The following SMAP1 variants were observed in gnomAD, a reference collection of about 807,000 sequenced individuals.
The protein encoded by SMAP1 is small ArfGAP 1.
A neutral mutation model predicts 58.5 loss-of-function variants in SMAP1; 24 were observed. That is an observed-to-expected ratio of 0.41 (90% CI 0.30 to 0.58). The LOEUF (loss-of-function observed/expected upper bound fraction) is 0.58, where lower values mean the gene tolerates loss of function less well. Ranked by LOEUF, SMAP1 falls within the 20% of genes least tolerant of loss-of-function variation. SMAP1 has a pLI of 0.29. For missense variants in SMAP1, 563 were observed against 566.3 expected, an observed-to-expected ratio of 0.99 and a Z score of 0.06; for synonymous variants, 216 against 196.6, an observed-to-expected ratio of 1.10 and a Z score of -0.82.
intron 3 of SMAP1, 97 bp downstream of exon 3, chr6:70,755,162 T>C: frequency 2.1e-6 from 2 of 941,520 alleles, no homozygotes; most frequent in East Asian, 2.5e-5. Context: ...ATGTGAACTT[T>C]ATCACGCTAC....
intron 3 of SMAP1, among the ~76,000 whole-genome samples, chr6:70,769,797 G>A (rs1382973995): frequency 6.6e-6 from 1 of 152,180 alleles, no homozygotes; most frequent in Non-Finnish European, 1.5e-5. Flanking sequence ...CTGTCATTAT[G>A]ATGTTAGCTG....
At chr6:70,703,322 C>T (rs1326153057) in intron 1 of SMAP1, among the ~76,000 whole-genome samples, 1 of 152,164 alleles carries the variant, frequency 6.6e-6, no homozygotes, top group East Asian at 1.9e-4. Context: ...GATCCGCCCA[C>T]CTCGGCCTCC....
chr6:70,776,783 G>A (rs1767565221), intron 4 of SMAP1, among the ~76,000 whole-genome samples: 1 of 152,058 alleles, frequency 6.6e-6, no homozygotes, highest in Non-Finnish European at 1.5e-5. Context: ...TAGCATAATG[G>A]CCCCCAGGAT....
chr6:70,801,523 A>G (rs946841812), intron 6 of SMAP1, among the ~76,000 whole-genome samples: 14 of 151,978 alleles, frequency 9.2e-5, no homozygotes, highest in Non-Finnish European at 1.9e-4. Flanking sequence ...GTTTAATTAG[A>G]TTCCGTTTGT....
chr6:70,848,883 TG>T (rs764348018), intron 7 of SMAP1, among the ~76,000 whole-genome samples: 16 of 152,234 alleles, frequency 1.1e-4, no homozygotes, highest in Admixed American at 4.6e-4. Context: ...TGGGAACTTG[TG>T]TTTACCAATT....
At chr6:70,813,446 G>A (rs749862099) in intron 6 of SMAP1, among the ~76,000 whole-genome samples, 49 of 152,056 alleles carry the variant, frequency 3.2e-4, no homozygotes, top group Admixed American at 7.9e-4. Flanking sequence ...ATATAATTCT[G>A]TTAGATGCTT....
chr6:70,714,729 G>T (rs1223765272), intron 1 of SMAP1, among the ~76,000 whole-genome samples: 1 of 151,952 alleles, frequency 6.6e-6, no homozygotes, highest in African/African-American at 2.4e-5. Context: ...ACATTATGTT[G>T]TTGTTTTGCA....
chr6:70,832,458 T>G (rs1448427297), intron 6 of SMAP1, among the ~76,000 whole-genome samples: 2 of 152,196 alleles, frequency 1.3e-5, no homozygotes, highest in Non-Finnish European at 2.9e-5. Flanking sequence ...GTGTGTATCT[T>G]TATTAGGGGA....
chr6:70,731,788 A>T (rs923876978), intron 1 of SMAP1, among the ~76,000 whole-genome samples: 9 of 151,812 alleles, frequency 5.9e-5, no homozygotes, highest in East Asian at 5.8e-4. Context: ...GTAGTTAAAA[A>T]TTTTTTTTTC....
At chr6:70,718,835 A>AG (rs1768390162) in intron 1 of SMAP1, among the ~76,000 whole-genome samples, 4 of 151,594 alleles carry the variant, frequency 2.6e-5, no homozygotes, top group Admixed American at 2.0e-4. Context: ...AAAAAAAAAA[A>AG]AAAAAAAGTG....
At chr6:70,806,240 G>A (rs1160863533) in intron 6 of SMAP1, among the ~76,000 whole-genome samples, 1 of 152,218 alleles carries the variant, frequency 6.6e-6, no homozygotes, top group Non-Finnish European at 1.5e-5. Context: ...CTGCCCAGCT[G>A]CGGCTTCACA....
chr6:70,708,852 T>G (rs568969219), intron 1 of SMAP1, among the ~76,000 whole-genome samples: 1 of 152,178 alleles, frequency 6.6e-6, no homozygotes. Flanking sequence ...TTAAAAAAAA[T>G]TTAGATATTA....
chr6:70,680,546 T>A lies in SMAP1; in HGVS notation c.118+12405T>A, dbSNP rs146806605. Among the ~76,000 whole-genome samples the A allele has an allele frequency of 3.8e-3, 578 of 152,236 alleles. 2 individuals carry two copies. The highest frequency in any genetic ancestry group is 0.015 in the South Asian group (73 of 4,822). On this transcript the variant is annotated intron_variant, in intron 1 of 10. Coordinates refer to ENST00000370455, the MANE Select transcript of SMAP1 (RefSeq NM_001044305.3). ...AAACACTGGAAACAATTCAAATGTT[T>A]TATCAGTTGACGAATGGATAAAGAA... is the stretch of plus-strand genomic sequence containing the variant.
At chr6:70,737,830 A>G (rs975999690) in intron 2 of SMAP1, among the ~76,000 whole-genome samples, 3 of 152,230 alleles carry the variant, frequency 2.0e-5, no homozygotes, top group African/African-American at 7.2e-5. Flanking sequence ...TTTAGCCTGT[A>G]TTTTTATATA....
At chr6:70,727,562 A>C (rs1390322719) in intron 1 of SMAP1, among the ~76,000 whole-genome samples, 1 of 152,256 alleles carries the variant, frequency 6.6e-6, no homozygotes, top group Non-Finnish European at 1.5e-5. Flanking sequence ...CCTTGAAGGC[A>C]GGATTTGTGT....
intron 5 of SMAP1, among the ~76,000 whole-genome samples, chr6:70,797,766 A>T (rs1768668454): frequency 6.6e-6 from 1 of 152,076 alleles, no homozygotes; most frequent in Non-Finnish European, 1.5e-5. Flanking sequence ...CATGTTTATC[A>T]TGTTGCCTTC....
intron 2 of SMAP1, among the ~76,000 whole-genome samples, chr6:70,752,093 C>G (rs1766302523): frequency 6.6e-6 from 1 of 152,140 alleles, no homozygotes; most frequent in Non-Finnish European, 1.5e-5. Flanking sequence ...GTAAAATTTT[C>G]TAGATACTTA....
intron 4 of SMAP1, among the ~76,000 whole-genome samples, chr6:70,778,443 TTTTCTG>T (rs1305800164): frequency 6.6e-6 from 1 of 152,246 alleles, no homozygotes; most frequent in Non-Finnish European, 1.5e-5. Flanking sequence ...ATGAAATTCT[TTTTCTG>T]TATCTGTTGA....
chr6:70,806,384 AGT>A (rs1769132804), intron 6 of SMAP1, among the ~76,000 whole-genome samples: 1 of 152,174 alleles, frequency 6.6e-6, no homozygotes, highest in African/African-American at 2.4e-5. Context: ...TTTAGGCAGG[AGT>A]GTCCCGTTTT....
Sources: gnomAD v4.1 joint callset for allele counts (sites outside exome capture counted in the v4.1 genomes callset) on GRCh38, gnomAD v4.1.1 for gene constraint, MANE v1.5 for transcripts, NCBI Gene and HGNC (gene_info 2026-07-23, HGNC 2026-07-21) for gene names.